BMP6: variants seen among roughly 807,000 people sequenced by gnomAD.
The protein encoded by BMP6 is VG-1-R.
In BMP6, 17 loss-of-function variants were observed where a neutral mutation model predicts 54.1. That is an observed-to-expected ratio of 0.31 (90% CI 0.22 to 0.47). BMP6 has a LOEUF of 0.47. BMP6 is among the 20% of genes least tolerant of loss of function. The probability of loss-of-function intolerance (pLI) is 1.00; values close to 1 mark genes in which losing one functional copy is unlikely to be tolerated. For synonymous variants in BMP6, 328 were observed against 291.2 expected, an observed-to-expected ratio of 1.13 and a Z score of -1.28; for missense variants, 720 against 690.4, an observed-to-expected ratio of 1.04 and a Z score of -0.48.
intron 1 of BMP6, among the ~76,000 whole-genome samples, chr6:7,745,470 A>G (rs1757332555): frequency 6.6e-6 from 1 of 152,100 alleles, no homozygotes; most frequent in South Asian, 2.1e-4. Flanking sequence ...GGGTCTCACT[A>G]TGTTGCCCAG....
At chr6:7,841,173 C>T (rs1024622058) in intron 1 of BMP6, among the ~76,000 whole-genome samples, 5 of 152,158 alleles carry the variant, frequency 3.3e-5, no homozygotes, top group African/African-American at 1.2e-4. Context: ...TTATTTAACT[C>T]AGCATCATAT....
At chr6:7,801,526 T>A (rs1304932084) in intron 1 of BMP6, among the ~76,000 whole-genome samples, 3 of 152,216 alleles carry the variant, frequency 2.0e-5, no homozygotes, top group African/African-American at 7.2e-5. Flanking sequence ...AGTTGGGTGC[T>A]GCCAAGTCAC....
intron 2 of BMP6, among the ~76,000 whole-genome samples, chr6:7,853,271 T>G (rs896590137): frequency 6.6e-6 from 1 of 152,150 alleles, no homozygotes; most frequent in African/African-American, 2.4e-5. Context: ...ACCAGAAGCT[T>G]AAGTCTTTGA....
Position 7,881,355 on chromosome 6 carries a change from T to C in BMP6, c.*1012T>C, listed in dbSNP as rs1282050653. On this transcript the variant is annotated 3_prime_UTR_variant, in exon 7 of 7. Transcript: ENST00000283147. ...TTTAGAATATTTTCTAAATGTCTTT[T>C]TCACAATCATGTACTGGGAAGGCAA... 6.6e-6 allele frequency: 1 copy of C among 152,646 alleles called. No individual in the cohort carries two copies. The highest frequency in any genetic ancestry group is 2.4e-5 in the African/African-American group (1 of 41,448). The allele number at this position is 152,646 out of a possible 1,614,324, so 9.5% of individuals were successfully genotyped here.
intron 2 of BMP6, among the ~76,000 whole-genome samples, chr6:7,855,783 C>G (rs1309745296): frequency 6.6e-6 from 1 of 151,884 alleles, no homozygotes; most frequent in East Asian, 1.9e-4. Flanking sequence ...CCTGCCTCAG[C>G]CTCCCACGGT....
intron 4 of BMP6, among the ~76,000 whole-genome samples, chr6:7,874,791 G>C (rs189623517): frequency 7.0e-6 from 1 of 143,274 alleles, no homozygotes; most frequent in East Asian, 2.2e-4. Flanking sequence ...ATCCAGACAA[G>C]CTTGTCAACG....
intron 1 of BMP6, among the ~76,000 whole-genome samples, chr6:7,780,943 T>C (rs1757934077): frequency 6.6e-6 from 1 of 152,188 alleles, no homozygotes; most frequent in South Asian, 2.1e-4. Context: ...ACTCCTGAGC[T>C]CAAGCAATCC....
chr6:7,853,533 C>T (rs1489973454), intron 2 of BMP6, among the ~76,000 whole-genome samples: 1 of 152,116 alleles, frequency 6.6e-6, no homozygotes, highest in Non-Finnish European at 1.5e-5. Context: ...TTTTTAGATA[C>T]CTGAGACGGG....
intron 1 of BMP6, among the ~76,000 whole-genome samples, chr6:7,822,895 GGTTGTGTGTGTGTGTGTGTGTGTGTGTGT>G (rs1230586920): frequency 6.9e-6 from 1 of 144,094 alleles, no homozygotes; most frequent in Non-Finnish European, 1.5e-5. Flanking sequence ...GATTGGTGCT[GGTTGTGTGTGTGTGTGTGTGTGTGTGTGT>G]GTGTGTGTGT....
intron 2 of BMP6, among the ~76,000 whole-genome samples, chr6:7,848,829 G>A (rs530554972): frequency 1.3e-4 from 20 of 152,238 alleles, no homozygotes; most frequent in Admixed American, 1.3e-3. Flanking sequence ...TTAAAATTTG[G>A]TGTTATAAAT....
chr6:7,774,281 G>A (rs926087584), intron 1 of BMP6, among the ~76,000 whole-genome samples: 2 of 152,182 alleles, frequency 1.3e-5, no homozygotes, highest in Admixed American at 6.5e-5. Flanking sequence ...TGGCTGTGGT[G>A]GCTCACGCCG....
chr6:7,728,835 C>T (rs1350283748), intron 1 of BMP6, among the ~76,000 whole-genome samples: 1 of 152,204 alleles, frequency 6.6e-6, no homozygotes, highest in African/African-American at 2.4e-5. Context: ...GTCAAAGACG[C>T]TCATCTTTTA....
chr6:7,746,684 C>A (rs1757351678), intron 1 of BMP6, among the ~76,000 whole-genome samples: 1 of 152,076 alleles, frequency 6.6e-6, no homozygotes, highest in Non-Finnish European at 1.5e-5. Flanking sequence ...TAACCCGATC[C>A]TCCTGGAACT....
intron 4 of BMP6, among the ~76,000 whole-genome samples, chr6:7,863,062 G>A (rs545097303): frequency 3.3e-5 from 5 of 152,164 alleles, no homozygotes; most frequent in Middle Eastern, 6.8e-3. Flanking sequence ...GCAGTGGCAC[G>A]GTCTCGGCTC....
At position 7,867,084 on chromosome 6, in the gene BMP6, C is replaced by T. The variant is rs1049713902; in HGVS notation, c.1204+4586C>T. 3.9e-5 allele frequency among the ~76,000 whole-genome samples: 6 copies of T among 152,244 alleles called. No homozygotes were observed. The South Asian group carries it at 8.3e-4, about 21-fold the overall frequency. Reference sequence around the variant, plus strand: ...ACGGAGTTTCACCATGTTGGTCAGGCTGGTCTCAAACTCCTGACCTCAAGT... The same window carrying T: ...ACGGAGTTTCACCATGTTGGTCAGGTTGGTCTCAAACTCCTGACCTCAAGT... On this transcript the variant is annotated intron_variant, in intron 4 of 6. Coordinates refer to ENST00000283147, the MANE Select transcript of BMP6 (RefSeq NM_001718.6).
chr6:7,747,715 T>G (rs1581231168), intron 1 of BMP6, among the ~76,000 whole-genome samples: 1 of 152,178 alleles, frequency 6.6e-6, no homozygotes, highest in Admixed American at 6.5e-5. Flanking sequence ...GGTACAATAA[T>G]GGCTCACTGT....
intron 1 of BMP6, among the ~76,000 whole-genome samples, chr6:7,740,277 A>G (rs955074397): frequency 4.6e-5 from 7 of 152,144 alleles, no homozygotes; most frequent in Middle Eastern, 3.4e-3. Context: ...CTCTCTTATG[A>G]CCCATCTGTT....
chr6:7,758,517 G>C (rs750922704), intron 1 of BMP6, among the ~76,000 whole-genome samples: 1 of 152,076 alleles, frequency 6.6e-6, no homozygotes, highest in Non-Finnish European at 1.5e-5. Context: ...CAACAACTAC[G>C]GTTTGCAACC....
At chr6:7,856,120 T>TAAA (rs56264814) in intron 2 of BMP6, among the ~76,000 whole-genome samples, 1,070 of 83,616 alleles carry the variant, frequency 0.013, 52 homozygotes, top group Middle Eastern at 0.033. Context: ...TCAAAGACTG[T>TAAA]AAAAAAAAAA....
Sources: allele counts gnomAD v4.1 joint callset (sites outside exome capture counted in the v4.1 genomes callset), GRCh38; gene constraint gnomAD v4.1.1; transcripts MANE v1.5; gene names NCBI Gene and HGNC (gene_info 2026-07-23, HGNC 2026-07-21).